CHSY1: variants seen among roughly 807,000 people sequenced by gnomAD.
CHSY1 encodes N-acetylgalactosaminyl-proteoglycan 3-beta-glucuronosyltransferase 1.
A neutral mutation model predicts 59.8 loss-of-function variants in CHSY1; 13 were observed. That is an observed-to-expected ratio of 0.22 (90% confidence interval 0.14 to 0.35). The LOEUF is 0.35. Among genes scored for constraint, CHSY1 ranks in the 10% least tolerant of loss-of-function variants. The pLI, the probability that CHSY1 is intolerant of heterozygous loss-of-function variation, is 1.00. For synonymous variants in CHSY1, 459 were observed against 401.2 expected, an observed-to-expected ratio of 1.14 and a Z score of -1.72; for missense variants, 947 against 1,030.6, an observed-to-expected ratio of 0.92 and a Z score of 1.11.
intron 2 of CHSY1, among the ~76,000 whole-genome samples, chr15:101,184,739 C>A (rs2141242029): frequency 6.6e-6 from 1 of 152,128 alleles, no homozygotes; most frequent in Non-Finnish European, 1.5e-5. Flanking sequence ...GGAGGGAGCA[C>A]CTGAGAGAAA....
intron 2 of CHSY1, among the ~76,000 whole-genome samples, chr15:101,231,093 G>C (rs2038888472): frequency 1.3e-5 from 2 of 151,954 alleles, no homozygotes. Context: ...GTGGTGGAGG[G>C]GACAGGAGCT....
intron 2 of CHSY1, among the ~76,000 whole-genome samples, chr15:101,196,243 A>C (rs570617211): frequency 3.3e-5 from 5 of 152,030 alleles, no homozygotes; most frequent in Admixed American, 2.0e-4. Context: ...AAAAAAAAAA[A>C]AAACATATAT....
At chr15:101,248,047 T>G (rs1330830994) in intron 1 of CHSY1, among the ~76,000 whole-genome samples, 2 of 151,466 alleles carry the variant, frequency 1.3e-5, no homozygotes, top group Non-Finnish European at 3.0e-5. Context: ...TGTTTTTTTG[T>G]TTTTTTTAAA....
In CHSY1 at chr15:101,185,842, T is replaced by A. The variant is rs949001892; in HGVS notation, c.817-6862A>T. Among the ~76,000 whole-genome samples the A allele has an allele frequency of 1.1e-4, 16 of 151,958 alleles. 1 individual carries two copies. The highest frequency in any genetic ancestry group is 8.5e-4 in the Admixed American group (13 of 15,272). ...CTGTGGGTGAGATGAAACTGAATCA[T>A]TTTGCTCTAGGCACATCAAGGAGAA... On this transcript the variant is annotated intron_variant, in intron 2 of 2. Coordinates refer to ENST00000254190, the MANE Select transcript of CHSY1 (RefSeq NM_014918.5).
intron 2 of CHSY1, among the ~76,000 whole-genome samples, chr15:101,205,995 T>A (rs1017265330): frequency 3.3e-5 from 5 of 152,090 alleles, no homozygotes; most frequent in African/African-American, 7.2e-5. Flanking sequence ...CTCTACCCCA[T>A]GATCCTGGTA....
chr15:101,239,506 T>C (rs1430226402), intron 1 of CHSY1, among the ~76,000 whole-genome samples: 1 of 152,246 alleles, frequency 6.6e-6, no homozygotes, highest in Non-Finnish European at 1.5e-5. Context: ...TTTCCTTATC[T>C]GTAAACGGGG....
At chr15:101,233,121 C>T (rs2038907379) in intron 2 of CHSY1, among the ~76,000 whole-genome samples, 1 of 152,212 alleles carries the variant, frequency 6.6e-6, no homozygotes, top group Admixed American at 6.5e-5. Flanking sequence ...AGGATCATTC[C>T]ATGCACCCCT....
At chr15:101,200,272 T>A (rs1230279057) in intron 2 of CHSY1, among the ~76,000 whole-genome samples, 1 of 152,232 alleles carries the variant, frequency 6.6e-6, no homozygotes, top group Non-Finnish European at 1.5e-5. Context: ...GAGACGCCTT[T>A]ACGCAAAAAT....
At chr15:101,211,505 G>A (rs1043644679) in intron 2 of CHSY1, among the ~76,000 whole-genome samples, 2 of 152,098 alleles carry the variant, frequency 1.3e-5, no homozygotes, top group South Asian at 2.1e-4. Context: ...TGTAACTAGA[G>A]ACCCAGAAAC....
chr15:101,235,557 G>T lies in CHSY1; in HGVS notation c.341C>A (p.Pro114His), dbSNP rs373485505. 4.3e-5 allele frequency: 69 copies of T among 1,611,034 alleles called. No homozygotes were observed. Among genetic ancestry groups the T allele is most frequent in the Non-Finnish European group, 5.7e-5 (67 of 1,179,960 alleles). ...AAYRTWSKTI[P>H]GKVQFFSSEG... ...ACTTGAGAAGAACTGAACTTTCCCA[G>T]GAATTGTCTTGGACCATGTTCTGGA... The change falls in exon 2 of 3, where the codon CCT becomes CAT. Residue 114 changes from proline to histidine, a missense_variant. Physicochemically the swap from Pro to His is moderately conservative, Grantham distance 77. Coordinates refer to ENST00000254190, the MANE Select transcript of CHSY1 (RefSeq NM_014918.5).
chr15:101,207,880 A>T (rs2141258508), intron 2 of CHSY1, among the ~76,000 whole-genome samples: 1 of 152,276 alleles, frequency 6.6e-6, no homozygotes, highest in Non-Finnish European at 1.5e-5. Flanking sequence ...GTCAAGCAAG[A>T]TAGGGTCCCC....
intron 2 of CHSY1, among the ~76,000 whole-genome samples, chr15:101,184,203 C>T (rs373254627): frequency 2.4e-4 from 36 of 152,090 alleles, no homozygotes; most frequent in Non-Finnish European, 4.9e-4. Context: ...AAGCTGCCTA[C>T]GGTTGTTACT....
rs149352657 is a variant in CHSY1 at position 101,230,014 on chromosome 15, T to C, written c.816+5068A>G. On this transcript the variant is annotated intron_variant, in intron 2 of 2. Coordinates refer to ENST00000254190, the MANE Select transcript of CHSY1 (RefSeq NM_014918.5). ...TGGAGTGAAGTGGCGTGATCTCGGC[T>C]CACTTCAACCTCTGCTCCCCAGGTT... Among the ~76,000 whole-genome samples, 340 of 151,198 alleles carry C rather than the reference T, an allele frequency of 2.2e-3. 10 individuals are homozygous for C. The East Asian group carries it at 0.054, about 24-fold the overall frequency.
intron 2 of CHSY1, among the ~76,000 whole-genome samples, chr15:101,210,775 C>T (rs186962202): frequency 2.0e-4 from 30 of 151,428 alleles, no homozygotes; most frequent in African/African-American, 7.2e-4. Flanking sequence ...AAAGACATTC[C>T]AGTTTTTTTT....
intron 2 of CHSY1, among the ~76,000 whole-genome samples, chr15:101,226,781 G>A (rs2038845911): frequency 6.6e-6 from 1 of 152,202 alleles, no homozygotes; most frequent in Non-Finnish European, 1.5e-5. Context: ...TGAAATGAAT[G>A]TATGTGAATA....
chr15:101,205,242 CTT>C (rs1243380459), intron 2 of CHSY1, among the ~76,000 whole-genome samples: 2 of 151,934 alleles, frequency 1.3e-5, no homozygotes, highest in Non-Finnish European at 2.9e-5. Context: ...CTAATTCATC[CTT>C]TTTGCCTGCT....
intron 2 of CHSY1, among the ~76,000 whole-genome samples, chr15:101,188,849 C>G (rs2038405862): frequency 1.3e-5 from 2 of 152,160 alleles, no homozygotes. Flanking sequence ...GTAGGAGACC[C>G]TTATCTGCAG....
In CHSY1 at chr15:101,177,451, C is replaced by T; in HGVS notation, c.2346G>A (p.Leu782=). The change falls in exon 3 of 3, where the codon CTG becomes CTA. Residue 782 remains leucine (L), a synonymous_variant. Coordinates refer to ENST00000254190, the MANE Select transcript of CHSY1 (RefSeq NM_014918.5). ...GSTQQLAEMW[L]EKNDPSYSKS... Reference sequence around the variant, plus strand: ...TACTGTAACTTGGATCATTTTTTTCCAGCCACATCTCAGCCAGCTGCTGGG... The same window carrying T: ...TACTGTAACTTGGATCATTTTTTTCTAGCCACATCTCAGCCAGCTGCTGGG... 5.0e-6 allele frequency: 8 copies of T among 1,611,504 alleles called. No homozygotes were observed. Among genetic ancestry groups the T allele is most frequent in the Non-Finnish European group, 6.8e-6 (8 of 1,179,224 alleles).
chr15:101,235,488 C>T lies in CHSY1; in HGVS notation c.410G>A (p.Arg137Gln), dbSNP rs369982845. The change falls in exon 2 of 3, where the codon CGG becomes CAG. Residue 137 changes from arginine (R) to glutamine (Q), a missense_variant. Physicochemically the swap from Arg to Gln is conservative, Grantham distance 43. This residue lies in a region of CHSY1 where 232 missense variants were observed against 188.5 expected (regional missense o/e 1.23). Transcript: ENST00000254190. Reference protein sequence around the residue: ...TSVPIPVVPLRGVDDSYPPQK... With the variant: ...TSVPIPVVPLQGVDDSYPPQK... ...GGGCGGGTAGGAGTCGTCCACACCCCGTAGTGGCACTACTGGAATTGGTAC... is the reference window on the plus strand; with the variant it reads ...GGGCGGGTAGGAGTCGTCCACACCCTGTAGTGGCACTACTGGAATTGGTAC... The T allele has an allele frequency of 9.9e-6, 16 of 1,613,726 alleles. No homozygotes were observed. The highest frequency in any genetic ancestry group is 3.3e-5 in the Admixed American group (2 of 60,000).
Sources: gnomAD v4.1 joint callset for allele counts (sites outside exome capture counted in the v4.1 genomes callset) on GRCh38, gnomAD v4.1.1 for gene constraint, gnomAD v4.1.1 regional missense constraint, MANE v1.5 for transcripts, NCBI Gene and HGNC (gene_info 2026-07-23, HGNC 2026-07-21) for gene names.